The following SNX16 variants were observed in gnomAD, a reference collection of about 807,000 sequenced individuals.
SNX16 encodes sorting nexin 16.
SNX16 carries 35 observed loss-of-function variants against 36.7 expected under a neutral mutation model. That is an observed-to-expected ratio of 0.95 (90% confidence interval 0.73 to 1.27). The LOEUF is 1.27. Among genes scored for constraint, SNX16 ranks in the 50% most tolerant of loss-of-function variants. The pLI is 0.00. For synonymous variants in SNX16, 134 were observed against 132.0 expected, an observed-to-expected ratio of 1.02 and a Z score of -0.10; for missense variants, 367 against 393.6, an observed-to-expected ratio of 0.93 and a Z score of 0.57.
At position 81,800,592 on chromosome 8, in the gene SNX16, A is replaced by C. The variant is rs905199875; in HGVS notation, c.*905T>G. The stretch of plus-strand genomic sequence containing the variant: ...TAATACAGTATAACAACATCTTCAC[A>C]CAAATAGAAATAAAAATGCAATGTC... On this transcript the variant is annotated 3_prime_UTR_variant, in exon 8 of 8. Coordinates refer to ENST00000345957, the MANE Select transcript of SNX16 (RefSeq NM_152836.3). 2.6e-5 allele frequency: 4 copies of C among 152,430 alleles called. No homozygotes were observed. The highest frequency in any genetic ancestry group is 9.6e-5 in the African/African-American group (4 of 41,580). The allele number at this position is 152,430 out of a possible 1,614,324, so 9.4% of individuals were successfully genotyped here.
intron 5 of SNX16, among the ~76,000 whole-genome samples, chr8:81,803,949 G>A (rs1809822358): frequency 6.7e-6 from 1 of 149,720 alleles, no homozygotes; most frequent in Admixed American, 6.7e-5. Context: ...TCATAAGGAA[G>A]ACAAATAAAA....
At chr8:81,818,680 T>G (rs7833384) in intron 4 of SNX16, among the ~76,000 whole-genome samples, 2 of 151,922 alleles carry the variant, frequency 1.3e-5, no homozygotes, top group South Asian at 4.1e-4. Context: ...TAACTTCTTG[T>G]TGTTATTCCT....
At chr8:81,822,583 T>C (rs974173668) in intron 4 of SNX16, among the ~76,000 whole-genome samples, 2 of 151,744 alleles carry the variant, frequency 1.3e-5, no homozygotes, top group Admixed American at 1.3e-4. Context: ...ACTAGGGTAG[T>C]GATGGCAGGG....
chr8:81,816,376 G>A (rs1162109684), intron 4 of SNX16, among the ~76,000 whole-genome samples: 2 of 151,828 alleles, frequency 1.3e-5, no homozygotes, highest in African/African-American at 4.8e-5. Context: ...TTTTAGTAGA[G>A]ATAGTGTTTC....
At chr8:81,841,235 G>C (rs955306679) in intron 1 of SNX16, among the ~76,000 whole-genome samples, 8 of 151,968 alleles carry the variant, frequency 5.3e-5, no homozygotes, top group African/African-American at 1.9e-4. Context: ...CAGCTACTTG[G>C]GAGGCTGAGG....
intron 5 of SNX16, among the ~76,000 whole-genome samples, chr8:81,811,101 T>C (rs559985671): frequency 6.6e-6 from 1 of 152,226 alleles, no homozygotes; most frequent in Non-Finnish European, 1.5e-5. Context: ...CCTGGAATCC[T>C]TGAGCTGGAA....
chr8:81,840,233 C>A, intron 1 of SNX16, 151 bp from the exon 2 acceptor site: 1 of 373,312 alleles, frequency 2.7e-6, no homozygotes, highest in Non-Finnish European at 4.8e-6. Flanking sequence ...TTAAGGACTC[C>A]TATTTGCAAG....
chr8:81,802,248 T>A lies in SNX16; in HGVS notation c.938+132A>T, dbSNP rs1336077114. On this transcript the variant is annotated intron_variant, in intron 7 of 7. Transcript: ENST00000345957. ...AGGAAAAGCCTAAAATATTTCCAAT[T>A]CATTCTCTGTTTGCTTAGCAGATTC... 5 of 557,112 alleles carry A rather than the reference T, an allele frequency of 9.0e-6. No homozygotes were observed. In the East Asian group the frequency reaches 1.4e-4, roughly 16 times the overall value. The allele number at this position is 557,112 out of a possible 1,614,324, so 34.5% of individuals were successfully genotyped here.
intron 5 of SNX16, among the ~76,000 whole-genome samples, chr8:81,803,525 G>C (rs1809801535): frequency 6.6e-6 from 1 of 151,700 alleles, no homozygotes; most frequent in African/African-American, 2.4e-5. Flanking sequence ...GTAGAACTGG[G>C]ATAAAAAATA....
Position 81,823,937 on chromosome 8 carries a change from T to A in SNX16, c.466A>T (p.Lys156Ter), listed in dbSNP as rs1421436812. 5 of 1,606,152 alleles carry A rather than the reference T, an allele frequency of 3.1e-6. No individual in the cohort carries two copies. The highest frequency in any genetic ancestry group is 4.2e-6 in the Non-Finnish European group (5 of 1,177,608). Residue 156 changes from lysine (K) to a stop codon, truncating the protein, a stop_gained, in exon 4 of 8, where the codon AAA (lysine) becomes TAA (stop). Transcript: ENST00000345957. LOFTEE classifies it high-confidence loss of function. The stretch of plus-strand genomic sequence containing the variant: ...AGTCGAAAACCTGGAAACATCTCTT[T>A]TAACTGAAAAAGAAGAAAAGAGCAA... ...TDFSRLNDKL[K>*]EMFPGFRLAL...
At chr8:81,827,456 C>T (rs1165767922) in intron 3 of SNX16, among the ~76,000 whole-genome samples, 1 of 151,886 alleles carries the variant, frequency 6.6e-6, no homozygotes, top group African/African-American at 2.4e-5. Flanking sequence ...TTTTATCTTT[C>T]GGCTTGTTTA....
At chr8:81,806,168 T>C (rs954906699) in intron 5 of SNX16, among the ~76,000 whole-genome samples, 1 of 152,176 alleles carries the variant, frequency 6.6e-6, no homozygotes, top group Non-Finnish European at 1.5e-5. Context: ...CAAATGGTTC[T>C]GGATAACAGA....
intron 5 of SNX16, among the ~76,000 whole-genome samples, chr8:81,806,344 T>G (rs1471311650): frequency 6.6e-6 from 1 of 152,160 alleles, no homozygotes; most frequent in Non-Finnish European, 1.5e-5. Context: ...GTTAATCTCA[T>G]AATCAATGTT....
intron 5 of SNX16, among the ~76,000 whole-genome samples, chr8:81,810,288 T>A (rs1810176700): frequency 6.6e-6 from 1 of 152,128 alleles, no homozygotes; most frequent in African/African-American, 2.4e-5. Context: ...AGTACAAGTA[T>A]ATGAGGGGTA....
chr8:81,802,949 T>A (rs1585971062), intron 6 of SNX16, 143 bp downstream of exon 6: 1 of 675,868 alleles, frequency 1.5e-6, no homozygotes, highest in Non-Finnish European at 2.2e-6. Flanking sequence ...AAATAAAGCA[T>A]AATTTTCCCA....
chr8:81,828,689 C>T (rs953476527), intron 3 of SNX16, among the ~76,000 whole-genome samples: 1 of 152,222 alleles, frequency 6.6e-6, no homozygotes, highest in South Asian at 2.1e-4. Flanking sequence ...TCTGGGTGAG[C>T]CTTATCTTAC....
chr8:81,818,935 A>G (rs1810611714), intron 4 of SNX16, among the ~76,000 whole-genome samples: 1 of 152,090 alleles, frequency 6.6e-6, no homozygotes, highest in Non-Finnish European at 1.5e-5. Flanking sequence ...AAAGATGGCT[A>G]TCATATCTCC....
intron 4 of SNX16, among the ~76,000 whole-genome samples, chr8:81,821,223 G>T (rs1810726582): frequency 6.6e-6 from 1 of 151,576 alleles, no homozygotes; most frequent in Non-Finnish European, 1.5e-5. Flanking sequence ...TGCCTAAAAT[G>T]CCTATTTATG....
At chr8:81,824,534 TA>T (rs146342490) in intron 3 of SNX16, among the ~76,000 whole-genome samples, 3,155 of 152,168 alleles carry the variant, frequency 0.021, 109 homozygotes, top group African/African-American at 0.072. Context: ...TTTTAGATCA[TA>T]AAAAAAGTCT....
Sources: gnomAD v4.1 joint callset for allele counts (sites outside exome capture counted in the v4.1 genomes callset) on GRCh38, gnomAD v4.1.1 for gene constraint, MANE v1.5 for transcripts, NCBI Gene and HGNC (gene_info 2026-07-23, HGNC 2026-07-21) for gene names.